The following KCP variants were observed in gnomAD, a reference collection of about 807,000 sequenced individuals.
KCP encodes the protein kielin/chordin-like protein.
KCP carries 194 observed loss-of-function variants against 212.7 expected under a neutral mutation model. That is an observed-to-expected ratio of 0.91 (90% CI 0.81 to 1.03). The LOEUF (loss-of-function observed/expected upper bound fraction) is 1.03, where lower values mean the gene tolerates loss of function less well. KCP is among the 50% of genes least tolerant of loss of function. The probability of loss-of-function intolerance (pLI) is 0.00; values close to 1 mark genes in which losing one functional copy is unlikely to be tolerated. For synonymous variants in KCP, 833 were observed against 865.3 expected, an observed-to-expected ratio of 0.96 and a Z score of 0.65; for missense variants, 2,080 against 2,162.5, an observed-to-expected ratio of 0.96 and a Z score of 0.76.
Position 128,878,524 on chromosome 7 carries a change from C to T in KCP, c.4311+34G>A, listed in dbSNP as rs369921289. On this transcript the variant is annotated intron_variant, in intron 38 of 39. Coordinates refer to ENST00000610776, the MANE Select transcript of KCP (RefSeq NM_001366122.1). ...GAGACTCATGCTCAGCTGCGTCTCC[C>T]CTAATCCCCATCCCCGGTTCCTGTA... The T allele has an allele frequency of 1.5e-5, 23 of 1,542,624 alleles. No homozygotes were observed. In the African/African-American group the frequency reaches 2.6e-4, roughly 17 times the overall value.
At position 128,903,733 on chromosome 7, in the gene KCP, A is replaced by C; in HGVS notation, c.742T>G (p.Cys248Gly). Residue 248 changes from cysteine (C) to glycine (G), a missense_variant, in exon 7 of 40, where the codon TGC becomes GGC. By Grantham distance (159) the Cys-to-Gly change is radical. Transcript: ENST00000610776. ...AGGGGCCAGGGGCTCTCACCTTGGC[A>C]GGTTGGGCAGCAGTGCCCAGGCCTC... ...VLRPGHCCPTCQGCTEGGSHW... is the reference protein window; with the variant it reads ...VLRPGHCCPTGQGCTEGGSHW... The C allele has an allele frequency of 6.5e-7, 1 of 1,549,046 alleles. No individual in the cohort carries two copies. The highest frequency in any genetic ancestry group is 8.7e-7 in the Non-Finnish European group (1 of 1,145,886).
At chr7:128,906,951 T>C (rs2128950729) in intron 4 of KCP, 150 bp downstream of exon 4, 1 of 760,768 alleles carries the variant, frequency 1.3e-6, no homozygotes, top group South Asian at 1.9e-5. Context: ...CTCCTTTTCC[T>C]ACTCGGAATC....
At position 128,892,891 on chromosome 7, in the gene KCP, G is replaced by A; in HGVS notation, c.1398C>T (p.Cys466=). 6.5e-7 allele frequency: 1 copy of A among 1,548,954 alleles called. No individual in the cohort carries two copies. Among genetic ancestry groups the A allele is most frequent in the Non-Finnish European group, 8.7e-7 (1 of 1,145,186 alleles). The change falls in exon 14 of 40, where the codon TGC becomes TGT. Residue 466 remains cysteine (C), a synonymous_variant. Transcript: ENST00000610776. The part of the protein sequence containing the change: ...CGAVLCPPAP[C]QHPTQPPGAC... ...CACCAGGGGGCTGGGTGGGGTGCTG[G>A]CAGGGGGCTGGGGGGCAGAGCACAG...
Position 128,888,942 on chromosome 7 carries a change from G to T in KCP, c.2433C>A (p.Thr811=). The change falls in exon 22 of 40, where the codon ACC becomes ACA. Residue 811 remains threonine, a synonymous_variant. Transcript: ENST00000610776. The part of the protein sequence containing the change: ...NLCTCLGGFV[T]CGRRPCEPPG... ...GAGGCTCACAGGGCCGGCGGCCGCA[G>T]GTCACGAAGCCTCCAAGACAGGTAC... The T allele has an allele frequency of 3.9e-6, 6 of 1,550,960 alleles. No homozygotes were observed. The South Asian group carries it at 6.0e-5, about 15-fold the overall frequency.
chr7:128,886,373 G>A, intron 26 of KCP, 91 bp downstream of exon 26: 1 of 1,083,352 alleles, frequency 9.2e-7, no homozygotes, highest in Non-Finnish European at 1.3e-6. Context: ...GGAGGTGGGA[G>A]AAGAGCTGGC....
Position 128,876,972 on chromosome 7 carries a change from A to G in KCP, c.*71T>C. ...GGCAGGGCATTCTCTCCATAGCCCT[A>G]ACCAGGGTGGGAACTGCTCGCCAAG... On this transcript the variant is annotated 3_prime_UTR_variant, in exon 40 of 40. Coordinates refer to ENST00000610776, the MANE Select transcript of KCP (RefSeq NM_001366122.1). The G allele has an allele frequency of 1.3e-6, 2 of 1,502,380 alleles. No homozygotes were observed. 93.1% of individuals were successfully genotyped at this position (1,502,380 alleles called of 1,614,324 possible). A position where few individuals can be genotyped will look rare whatever the true frequency, so the allele number is the denominator to read the frequency against.
At chr7:128,892,482 G>A (rs1794217810) in intron 16 of KCP, 32 bp downstream of exon 16, 1 of 1,445,562 alleles carries the variant, frequency 6.9e-7, no homozygotes, top group Non-Finnish European at 9.3e-7. Context: ...CTGGGGCCCT[G>A]ATCCCCTCAG....
At chr7:128,877,432 T>A in intron 39 of KCP, 52 bp downstream of exon 39, 2 of 1,541,702 alleles carry the variant, frequency 1.3e-6, no homozygotes, top group Non-Finnish European at 1.8e-6. Flanking sequence ...CGGGCTGCCC[T>A]TCTTCTCTGT....
At chr7:128,890,246 T>C in intron 21 of KCP, 97 bp downstream of exon 21, 1 of 1,544,086 alleles carries the variant, frequency 6.5e-7, no homozygotes, top group Non-Finnish European at 8.8e-7. Flanking sequence ...CTGTAATAAA[T>C]ATTTTAGATC....
rs150844790 is a variant in KCP at position 128,901,692 on chromosome 7, G to T, written c.831+1085C>A. On this transcript the variant is annotated intron_variant, in intron 8 of 39. Transcript: ENST00000610776. ...GGACTTGCCCTGAATTCTTTCTTGC[G>T]CGAGATCCAAGAACCCTCTTTTGGG... Among the ~76,000 whole-genome samples the T allele has an allele frequency of 6.3e-4, 96 of 152,036 alleles. 2 individuals are homozygous for T. Among genetic ancestry groups the T allele is most frequent in the African/African-American group, 2.3e-3 (94 of 41,460 alleles).
intron 8 of KCP, among the ~76,000 whole-genome samples, chr7:128,896,261 G>A (rs1348330220): frequency 2.0e-5 from 3 of 152,118 alleles, no homozygotes; most frequent in Non-Finnish European, 2.9e-5. Context: ...GTAAATAATG[G>A]GATTGGGTTA....
chr7:128,893,441 C>T lies in KCP; in HGVS notation c.1135G>A (p.Glu379Lys). Reference sequence around the variant, plus strand: ...CCCCGCTCTTGGAGTCTGAAGGTCTCCTGGCTCTGATACTGGTGTCCCTGG... The same window carrying T: ...CCCCGCTCTTGGAGTCTGAAGGTCTTCTGGCTCTGATACTGGTGTCCCTGG... The part of the protein sequence containing the change: ...EYQGHQYQSQ[E>K]TFRLQERGLC... Residue 379 changes from glutamate (E) to lysine (K), a missense_variant, in exon 12 of 40, where the codon GAG (glutamate) becomes AAG (lysine). Transcript: ENST00000610776. The T allele has an allele frequency of 6.4e-7, 1 of 1,551,574 alleles. No homozygotes were observed. Among genetic ancestry groups the T allele is most frequent in the Non-Finnish European group, 8.7e-7 (1 of 1,146,928 alleles).
chr7:128,893,582 G>A (rs1794320322), intron 11 of KCP, 106 bp from the exon 12 acceptor site: 9 of 1,031,148 alleles, frequency 8.7e-6, no homozygotes, highest in Admixed American at 2.1e-5. Context: ...AGACCCAGCC[G>A]AGTTCTCCAG....
At chr7:128,882,964 C>T (rs887488108) in intron 29 of KCP, among the ~76,000 whole-genome samples, 78 of 127,304 alleles carry the variant, frequency 6.1e-4, no homozygotes, top group African/African-American at 2.8e-3. Flanking sequence ...CCCAGCTACT[C>T]GGGAGGCTGA....
At chr7:128,902,883 G>A (rs1204631891) in intron 7 of KCP, 24 bp from the exon 8 acceptor site, 2 of 1,539,264 alleles carry the variant, frequency 1.3e-6, no homozygotes, top group Non-Finnish European at 1.8e-6. Context: ...GTTGAGAAGA[G>A]GGAGGCCTGG....
chr7:128,884,035 G>A lies in KCP; in HGVS notation c.3211C>T (p.Pro1071Ser), dbSNP rs568065421. The A allele has an allele frequency of 6.5e-7, 1 of 1,547,870 alleles. No individual in the cohort carries two copies. Among genetic ancestry groups the A allele is most frequent in the Admixed American group, 2.0e-5 (1 of 50,562 alleles). The change falls in exon 29 of 40, where the codon CCT (proline) becomes TCT (serine). Residue 1071 changes from proline (P) to serine (S), a missense_variant. Physicochemically the swap from Pro to Ser is moderately conservative, Grantham distance 74. Transcript: ENST00000610776. ...VGCPPSQLLP[P>S]GPQHCCPTCA... ...GTGGGACAGCAGTGCTGGGGCCCAG[G>A]GGGCAGGAGCTGGCTGGGGGGGCAG...
intron 11 of KCP, 23 bp from the exon 12 acceptor site, chr7:128,893,499 G>A: frequency 1.3e-6 from 2 of 1,494,204 alleles, no homozygotes; most frequent in Non-Finnish European, 1.8e-6. Flanking sequence ...ACAGGGGCGT[G>A]GGGGTATAGG....
At chr7:128,899,067 G>A (rs1043661112) in intron 8 of KCP, among the ~76,000 whole-genome samples, 1 of 152,094 alleles carries the variant, frequency 6.6e-6, no homozygotes, top group Non-Finnish European at 1.5e-5. Context: ...GGCTTATTTG[G>A]TATAAAAGTC....
intron 8 of KCP, among the ~76,000 whole-genome samples, chr7:128,898,315 C>A (rs892092386): frequency 6.6e-6 from 1 of 152,204 alleles, no homozygotes; most frequent in Admixed American, 6.5e-5. Context: ...CTTGGCCTCC[C>A]AAAGTGCAGG....
Sources: gnomAD v4.1 joint callset for allele counts (sites outside exome capture counted in the v4.1 genomes callset) on GRCh38, gnomAD v4.1.1 for gene constraint, MANE v1.5 for transcripts, NCBI Gene and HGNC (gene_info 2026-07-23, HGNC 2026-07-21) for gene names.